CNBD1: variants seen among roughly 807,000 people sequenced by gnomAD.
CNBD1 encodes the protein cyclic nucleotide-binding domain-containing protein 1.
CNBD1 carries 71 observed loss-of-function variants against 54.4 expected under a neutral mutation model. The observed-to-expected ratio is 1.30, with a 90% CI of 1.08 to 1.59. The LOEUF (loss-of-function observed/expected upper bound fraction) is 1.59. Ranked by LOEUF, CNBD1 falls within the 40% of genes most tolerant of loss-of-function variation. The pLI is 0.00. For missense variants in CNBD1, 659 were observed against 518.0 expected, an observed-to-expected ratio of 1.27 and a Z score of -2.64; for synonymous variants, 182 against 170.7, an observed-to-expected ratio of 1.07 and a Z score of -0.51.
At chr8:87,385,610 A>C (rs1240912218), downstream of CNBD1, among the ~76,000 whole-genome samples, 1 of 152,088 alleles carries the variant, frequency 6.6e-6, no homozygotes, top group Non-Finnish European at 1.5e-5. Flanking sequence ...AGGTAAACAA[A>C]GTGGCTGGGA....
At chr8:87,101,361 T>C (rs1382610363) in intron 4 of CNBD1, among the ~76,000 whole-genome samples, 1 of 151,940 alleles carries the variant, frequency 6.6e-6, no homozygotes, top group Non-Finnish European at 1.5e-5. Flanking sequence ...ATGGAAATTC[T>C]AGAATTAAAA....
At chr8:87,036,594 T>TAA (rs58299323) in intron 4 of CNBD1, among the ~76,000 whole-genome samples, 19,642 of 64,508 alleles carry the variant, frequency 0.3, 3,866 homozygotes, top group Non-Finnish European at 0.38. Flanking sequence ...ACTGCATCTC[T>TAA]AAAAAAAAAA....
At chr8:87,322,270 G>T (rs1415774897) in intron 8 of CNBD1, among the ~76,000 whole-genome samples, 10 of 123,914 alleles carry the variant, frequency 8.1e-5, no homozygotes, top group Non-Finnish European at 1.1e-4. Flanking sequence ...ACATACGTGT[G>T]CATGTGTCTT....
chr8:87,268,342 C>A (rs566486940), intron 6 of CNBD1, among the ~76,000 whole-genome samples: 3 of 152,152 alleles, frequency 2.0e-5, no homozygotes, highest in African/African-American at 7.2e-5. Context: ...TTTTCTTTAT[C>A]CAGTCCACCA....
chr8:87,264,244 G>A (rs1586374633), intron 6 of CNBD1, among the ~76,000 whole-genome samples: 2 of 151,970 alleles, frequency 1.3e-5, no homozygotes, highest in East Asian at 2.0e-4. Flanking sequence ...GAGAACATGT[G>A]GTGTTTGGTT....
chr8:86,930,682 G>T (rs1809442230), intron 3 of CNBD1, among the ~76,000 whole-genome samples: 1 of 152,204 alleles, frequency 6.6e-6, no homozygotes, highest in Non-Finnish European at 1.5e-5. Context: ...GTTACAGCTG[G>T]ATATAGCGGA....
chr8:86,943,794 T>G (rs897160114), intron 4 of CNBD1, among the ~76,000 whole-genome samples: 1 of 152,028 alleles, frequency 6.6e-6, no homozygotes, highest in Non-Finnish European at 1.5e-5. Context: ...TCTGGTTCAT[T>G]AAAACAATCA....
At chr8:87,316,846 C>T (rs982272610) in intron 8 of CNBD1, among the ~76,000 whole-genome samples, 3 of 151,494 alleles carry the variant, frequency 2.0e-5, no homozygotes, top group African/African-American at 7.3e-5. Flanking sequence ...TTTACAACTC[C>T]TATTTATATA....
chr8:87,300,614 TC>T (rs1242433830), intron 8 of CNBD1, among the ~76,000 whole-genome samples: 3 of 152,066 alleles, frequency 2.0e-5, no homozygotes, highest in African/African-American at 7.2e-5. Flanking sequence ...AAAGTATTTA[TC>T]ATGGAGTCAG....
intron 10 of CNBD1, among the ~76,000 whole-genome samples, chr8:87,379,106 A>C (rs941786158): frequency 1.2e-4 from 18 of 151,508 alleles, no homozygotes; most frequent in African/African-American, 3.9e-4. Context: ...GCAAACAGGG[A>C]CAATTTGACT....
At chr8:86,956,390 G>A (rs1014334825) in intron 4 of CNBD1, among the ~76,000 whole-genome samples, 5 of 152,108 alleles carry the variant, frequency 3.3e-5, no homozygotes, top group South Asian at 2.1e-4. Flanking sequence ...AGCTTGATGG[G>A]GATGGCATTG....
intron 10 of CNBD1, among the ~76,000 whole-genome samples, chr8:87,367,810 G>T (rs891061846): frequency 1.2e-4 from 19 of 152,068 alleles, no homozygotes; most frequent in African/African-American, 3.6e-4. Context: ...GACTGAATTG[G>T]GTTTGTTACT....
At chr8:86,953,884 C>G (rs915765821) in intron 4 of CNBD1, among the ~76,000 whole-genome samples, 1 of 152,066 alleles carries the variant, frequency 6.6e-6, no homozygotes, top group Non-Finnish European at 1.5e-5. Context: ...TAAAAAAATC[C>G]TATGTAACTA....
chr8:87,200,580 A>G (rs1813839272), intron 4 of CNBD1, among the ~76,000 whole-genome samples: 1 of 152,172 alleles, frequency 6.6e-6, no homozygotes, highest in Admixed American at 6.6e-5. Context: ...AATGGAGGAC[A>G]TCTCTAATTA....
intron 2 of CNBD1, among the ~76,000 whole-genome samples, chr8:87,408,993 A>G (rs774218863): frequency 2.6e-5 from 4 of 151,912 alleles, no homozygotes; most frequent in African/African-American, 7.3e-5. Context: ...AATTAGGCCA[A>G]TTAATAACCA....
chr8:87,179,426 C>G (rs1047613773), intron 4 of CNBD1, among the ~76,000 whole-genome samples: 4 of 152,050 alleles, frequency 2.6e-5, no homozygotes, highest in Non-Finnish European at 5.9e-5. Flanking sequence ...AATTTTTGCT[C>G]TCTTAAAGAA....
chr8:87,284,224 T>C (rs13439579), intron 6 of CNBD1, among the ~76,000 whole-genome samples: 42,796 of 152,018 alleles, frequency 0.28, 6,479 homozygotes, highest in African/African-American at 0.39. Context: ...TAATATTTAT[T>C]GTTTACATAT....
chr8:87,225,791 AT>A (rs904673523), intron 5 of CNBD1, among the ~76,000 whole-genome samples: 12 of 149,200 alleles, frequency 8.0e-5, no homozygotes, highest in African/African-American at 2.8e-4. Flanking sequence ...TTTTCTATTG[AT>A]TGGAATAGTT....
chr8:87,137,575 C>T (rs1812282710), intron 4 of CNBD1, among the ~76,000 whole-genome samples: 1 of 152,122 alleles, frequency 6.6e-6, no homozygotes, highest in Non-Finnish European at 1.5e-5. Flanking sequence ...TCCATGGGAA[C>T]ACCTGAGAGG....
Sources: gnomAD v4.1 joint callset for allele counts (sites outside exome capture counted in the v4.1 genomes callset) on GRCh38, gnomAD v4.1.1 for gene constraint, MANE v1.5 for transcripts, NCBI Gene and HGNC (gene_info 2026-07-23, HGNC 2026-07-21) for gene names.